The following ESR1 variants were observed in gnomAD, a reference collection of about 807,000 sequenced individuals.
The protein encoded by ESR1 is estrogen receptor.
ESR1 carries 12 observed loss-of-function variants against 52.7 expected under a neutral mutation model. The ratio of observed to expected loss-of-function variants is 0.23; its 90% confidence interval spans 0.15 to 0.37. The LOEUF (loss-of-function observed/expected upper bound fraction) is 0.37, where lower values mean the gene tolerates loss of function less well. ESR1 is among the 10% of genes least tolerant of loss of function. The pLI is 1.00. For missense variants in ESR1, 584 were observed against 779.7 expected (o/e 0.75, Z 2.99); for synonymous variants, 305 against 316.8 (o/e 0.96, Z 0.39).
intron 2 of ESR1, among the ~76,000 whole-genome samples, chr6:151,732,514 G>A (rs1027730462): frequency 2.0e-5 from 3 of 146,620 alleles, no homozygotes; most frequent in Non-Finnish European, 4.5e-5. Flanking sequence ...GTTCCTTTAT[G>A]TTTGTGTATG....
intron 1 of ESR1, among the ~76,000 whole-genome samples, chr6:151,659,171 G>A (rs1450298205): frequency 6.6e-6 from 1 of 152,104 alleles, no homozygotes; most frequent in Non-Finnish European, 1.5e-5. Flanking sequence ...GTGCCACCAT[G>A]CCCAGCTAAT....
At chr6:151,820,874 G>A (rs528442486) in intron 1 of ESR1, among the ~76,000 whole-genome samples, 1 of 152,248 alleles carries the variant, frequency 6.6e-6, no homozygotes, top group Admixed American at 6.5e-5. Context: ...CTTGCTGGTA[G>A]CAACCTTAGG....
At chr6:151,822,095 AT>A (rs941153199) in intron 1 of ESR1, among the ~76,000 whole-genome samples, 5 of 152,060 alleles carry the variant, frequency 3.3e-5, no homozygotes, top group African/African-American at 9.7e-5. Context: ...TTTCACTTTG[AT>A]TTTTTTTAAA....
At chr6:151,985,571 G>T (rs1006699386) in intron 4 of ESR1, among the ~76,000 whole-genome samples, 21 of 146,952 alleles carry the variant, frequency 1.4e-4, no homozygotes, top group African/African-American at 5.3e-4. Context: ...AAATAAACCT[G>T]ATCTATAGAT....
chr6:151,969,663 C>T (rs935920249), intron 4 of ESR1, among the ~76,000 whole-genome samples: 9 of 152,210 alleles, frequency 5.9e-5, no homozygotes, highest in Admixed American at 5.9e-4. Context: ...GCTTTTCCCT[C>T]CCACTTACCT....
At chr6:151,751,224 A>T (rs1783877927) in intron 2 of ESR1, among the ~76,000 whole-genome samples, 1 of 152,092 alleles carries the variant, frequency 6.6e-6, no homozygotes, top group Admixed American at 6.5e-5. Flanking sequence ...GAGGCCTATG[A>T]TTTATGGGGT....
At chr6:152,111,767 C>T (rs910416) in intron 6 of ESR1, among the ~76,000 whole-genome samples, 79,781 of 151,784 alleles carry the variant, frequency 0.53, 21,243 homozygotes, top group East Asian at 0.56. Context: ...CTGCTTTACA[C>T]GTGGTCTCAG....
In ESR1 at chr6:151,660,962, G is replaced by T. The variant is rs1452790857; in HGVS notation, n.73+4199G>T. ...TTAATTGATTAGGGGTTCGGCTCAG[G>T]CATCAGTATTTGTAAATAAAAGCTT... On this transcript the variant is annotated intron_variant and non_coding_transcript_variant, in intron 1 of 2. Coordinates refer to the ESR1 transcript ENST00000473497. Among the ~76,000 whole-genome samples, 8 of 152,160 alleles carry T rather than the reference G, an allele frequency of 5.3e-5. No homozygotes were observed. In the East Asian group the frequency reaches 1.5e-3, roughly 29 times the overall value.
chr6:151,756,393 G>A (rs985397777), intron 2 of ESR1, among the ~76,000 whole-genome samples: 51 of 152,188 alleles, frequency 3.4e-4, no homozygotes, highest in Non-Finnish European at 2.8e-4. Flanking sequence ...GATTAGAGGC[G>A]CGTGCCACCA....
chr6:151,847,880 G>T (rs1374330791), intron 2 of ESR1, among the ~76,000 whole-genome samples: 1 of 151,796 alleles, frequency 6.6e-6, no homozygotes, highest in Non-Finnish European at 1.5e-5. Context: ...TTAGTTGGTG[G>T]GACTGTAAAC....
At chr6:151,995,097 C>A (rs1011848555) in intron 4 of ESR1, among the ~76,000 whole-genome samples, 5 of 152,062 alleles carry the variant, frequency 3.3e-5, no homozygotes, top group Non-Finnish European at 7.4e-5. Context: ...CACTCAGCAG[C>A]CACTGTGAAG....
At chr6:152,095,723 C>A (rs1290838385) in intron 7 of ESR1, among the ~76,000 whole-genome samples, 1 of 152,202 alleles carries the variant, frequency 6.6e-6, no homozygotes, top group Non-Finnish European at 1.5e-5. Flanking sequence ...TTGCAGGAAG[C>A]ATCTCCTAAT....
upstream of ESR1, chr6:151,805,712 G>C (rs1777736592): frequency 6.6e-6 from 1 of 152,442 alleles, no homozygotes; most frequent in African/African-American, 2.4e-5. Context: ...TTCACACACT[G>C]AGCCACTCGC....
chr6:151,899,044 C>A (rs1248864927), intron 3 of ESR1, among the ~76,000 whole-genome samples: 7 of 149,140 alleles, frequency 4.7e-5, no homozygotes, highest in Admixed American at 3.3e-4. Context: ...CCCCCACCTC[C>A]CTCCCGGACG....
upstream of ESR1, among the ~76,000 whole-genome samples, chr6:151,690,215 TA>T (rs1778849540): frequency 6.6e-6 from 1 of 152,342 alleles, no homozygotes; most frequent in East Asian, 1.9e-4. Context: ...AATGATGTTT[TA>T]TTTTTTTTTC....
At chr6:151,899,950 C>A (rs182162711) in intron 3 of ESR1, among the ~76,000 whole-genome samples, 1 of 145,368 alleles carries the variant, frequency 6.9e-6, no homozygotes, top group Admixed American at 6.9e-5. Context: ...ACATCCCAGA[C>A]GATGGCGGCC....
chr6:152,125,475 T>C, exon 7 of ESR1: 1 of 1,283,514 alleles, frequency 7.8e-7, no homozygotes, highest in Admixed American at 2.8e-5. Flanking sequence ...GGCCTTCAGT[T>C]TTCTCATTTG....
chr6:151,686,719 A>C (rs9371549), upstream of ESR1, among the ~76,000 whole-genome samples: 93 of 114,494 alleles, frequency 8.1e-4, no homozygotes, highest in East Asian at 9.1e-3. Flanking sequence ...CAACCAACCA[A>C]CCAACCAACC....
intron 4 of ESR1, among the ~76,000 whole-genome samples, chr6:152,009,839 A>G (rs1296981152): frequency 2.0e-5 from 3 of 152,172 alleles, no homozygotes; most frequent in Non-Finnish European, 4.4e-5. Flanking sequence ...CCAAATGTCC[A>G]ATGAAAGGAT....
Sources: gnomAD v4.1 joint callset for allele counts (sites outside exome capture counted in the v4.1 genomes callset) on GRCh38, gnomAD v4.1.1 for gene constraint, MANE v1.5 for transcripts, NCBI Gene and HGNC (gene_info 2026-07-23, HGNC 2026-07-21) for gene names.